TLE4: variants seen among roughly 807,000 people sequenced by gnomAD.
The protein encoded by TLE4 is TLE family member 4, transcriptional corepressor.
A neutral mutation model predicts 92.8 loss-of-function variants in TLE4; 8 were observed. The observed-to-expected ratio is 0.09, with a 90% CI of 0.05 to 0.16. The LOEUF (loss-of-function observed/expected upper bound fraction) is 0.16, where lower values mean the gene tolerates loss of function less well. TLE4 is among the 10% of genes least tolerant of loss of function. The probability of loss-of-function intolerance (pLI) is 1.00; values close to 1 mark genes in which losing one functional copy is unlikely to be tolerated. For missense variants in TLE4, 675 were observed against 997.6 expected, an observed-to-expected ratio of 0.68 and a Z score of 4.36; for synonymous variants, 371 against 374.1, an observed-to-expected ratio of 0.99 and a Z score of 0.10.
intron 4 of TLE4, among the ~76,000 whole-genome samples, chr9:79,580,975 A>ATT (rs1216441992): frequency 1.1e-4 from 16 of 152,116 alleles, no homozygotes; most frequent in African/African-American, 3.9e-4. Flanking sequence ...TTATAAGACT[A>ATT]TGTGTGTGGG....
At chr9:79,674,750 A>T (rs2062983644) in intron 8 of TLE4, among the ~76,000 whole-genome samples, 1 of 152,088 alleles carries the variant, frequency 6.6e-6, no homozygotes, top group African/African-American at 2.4e-5. Context: ...GCGGTTCAAG[A>T]CCATTTCACT....
At chr9:79,687,369 G>T (rs1385404935) in intron 8 of TLE4, among the ~76,000 whole-genome samples, 1 of 152,086 alleles carries the variant, frequency 6.6e-6, no homozygotes, top group Non-Finnish European at 1.5e-5. Flanking sequence ...TGGCCCCATG[G>T]GTGCCAGATT....
chr9:79,707,108 T>C (rs752569227), intron 11 of TLE4: 1 of 1,612,114 alleles, frequency 6.2e-7, no homozygotes, highest in Non-Finnish European at 8.5e-7. Flanking sequence ...TTTATGATTC[T>C]TTTTGCAAGG....
intron 8 of TLE4, among the ~76,000 whole-genome samples, chr9:79,685,258 T>C (rs967394879): frequency 6.6e-6 from 1 of 152,188 alleles, no homozygotes; most frequent in African/African-American, 2.4e-5. Context: ...ATTTGTATAC[T>C]GCAATAGTTT....
intron 4 of TLE4, among the ~76,000 whole-genome samples, chr9:79,609,364 G>A (rs2047843475): frequency 6.6e-6 from 1 of 152,008 alleles, no homozygotes; most frequent in South Asian, 2.1e-4. Context: ...ATTTTTCTGA[G>A]ATATTTTATC....
intron 8 of TLE4, among the ~76,000 whole-genome samples, chr9:79,672,437 C>G (rs972283460): frequency 7.9e-5 from 12 of 152,094 alleles, no homozygotes; most frequent in South Asian, 2.1e-4. Flanking sequence ...TAGGAGATGT[C>G]TTTCAAGTGA....
intron 4 of TLE4, among the ~76,000 whole-genome samples, chr9:79,606,548 C>G (rs1033885107): frequency 4.6e-5 from 7 of 151,776 alleles, no homozygotes; most frequent in Non-Finnish European, 1.5e-5. Flanking sequence ...CCCAACAGGC[C>G]CTGATGTGTA....
intron 8 of TLE4, among the ~76,000 whole-genome samples, chr9:79,664,374 T>A (rs1222628911): frequency 6.6e-6 from 1 of 152,220 alleles, no homozygotes; most frequent in African/African-American, 2.4e-5. Context: ...CACTTGTGTT[T>A]GTACCACAGT....
At chr9:79,656,883 CT>C (rs1281867283) in intron 8 of TLE4, among the ~76,000 whole-genome samples, 1 of 151,900 alleles carries the variant, frequency 6.6e-6, no homozygotes, top group Non-Finnish European at 1.5e-5. Flanking sequence ...CATGTTGGGC[CT>C]TTTTTTTCCT....
Position 79,602,955 on chromosome 9 carries a change from C to G in TLE4, c.253-9701C>G, listed in dbSNP as rs558321083. 1.3e-4 allele frequency among the ~76,000 whole-genome samples: 20 copies of G among 152,182 alleles called. No individual in the cohort carries two copies. The East Asian group carries it at 3.9e-3, about 29-fold the overall frequency. On this transcript the variant is annotated intron_variant, in intron 4 of 19. Coordinates refer to ENST00000376552, the MANE Select transcript of TLE4 (RefSeq NM_007005.6). ...AATAAGAATTTGGAAGAAGTTGATT[C>G]CAACCCTCATGGATGCCTTTGGAGG...
intron 8 of TLE4, among the ~76,000 whole-genome samples, chr9:79,688,804 C>T (rs1309551945): frequency 6.6e-6 from 1 of 152,000 alleles, no homozygotes; most frequent in Admixed American, 6.5e-5. Flanking sequence ...GTCAAAAATT[C>T]TGTTTTCTTC....
chr9:79,636,584 G>A (rs1362742836), intron 6 of TLE4, among the ~76,000 whole-genome samples: 1 of 152,112 alleles, frequency 6.6e-6, no homozygotes, highest in Non-Finnish European at 1.5e-5. Context: ...TCCTAGAGTG[G>A]TCTTCCTTAT....
chr9:79,669,165 G>T (rs951546930), intron 8 of TLE4, among the ~76,000 whole-genome samples: 9 of 152,046 alleles, frequency 5.9e-5, no homozygotes, highest in African/African-American at 1.9e-4. Context: ...CTTGAGTATT[G>T]ACTCAGAAGC....
chr9:79,644,110 G>A (rs559341973), intron 6 of TLE4, among the ~76,000 whole-genome samples: 110 of 152,248 alleles, frequency 7.2e-4, no homozygotes, highest in African/African-American at 2.3e-3. Flanking sequence ...GAGGGATCTC[G>A]TGGGAGGTAA....
rs1251068705 is a variant in TLE4 at position 79,602,917 on chromosome 9, A to G, written c.253-9739A>G. On this transcript the variant is annotated intron_variant, in intron 4 of 19. Coordinates refer to ENST00000376552, the MANE Select transcript of TLE4 (RefSeq NM_007005.6). ...ATTTGTGGTTCATGGGAGGAGGTCA[A>G]AATACCAACATTAATAAGAATTTGG... 3.3e-5 allele frequency among the ~76,000 whole-genome samples: 5 copies of G among 152,250 alleles called. No individual in the cohort carries two copies. In the East Asian group the frequency reaches 9.7e-4, roughly 29 times the overall value.
At chr9:79,663,879 A>AGTGT (rs1315637788) in intron 8 of TLE4, among the ~76,000 whole-genome samples, 1 of 152,206 alleles carries the variant, frequency 6.6e-6, no homozygotes, top group African/African-American at 2.4e-5. Flanking sequence ...ACACAAAACA[A>AGTGT]GGCTTCAGAA....
intron 14 of TLE4, 62 bp from the exon 15 acceptor site, chr9:79,718,660 T>C: frequency 1.3e-6 from 2 of 1,543,310 alleles, no homozygotes; most frequent in Non-Finnish European, 1.8e-6. Flanking sequence ...CTCATTACAC[T>C]GAACAGTTAA....
intron 5 of TLE4, among the ~76,000 whole-genome samples, chr9:79,616,259 T>C (rs1399540954): frequency 6.6e-6 from 1 of 152,202 alleles, no homozygotes; most frequent in Non-Finnish European, 1.5e-5. Flanking sequence ...TTACTCTAAC[T>C]GGGCTAAGCT....
At position 79,725,266 on chromosome 9, in the gene TLE4, AGTTTAATCCCCT is replaced by A; in HGVS notation, c.*123_*134del. 3.1e-6 allele frequency: 2 copies of A among 646,554 alleles called. No individual in the cohort carries two copies. The highest frequency in any genetic ancestry group is 3.8e-5 in the South Asian group (2 of 52,484). The allele number at this position is 646,554 out of a possible 1,614,324, so 40.1% of individuals were successfully genotyped here. A position where few individuals can be genotyped will look rare whatever the true frequency, so the allele number is the denominator to read the frequency against. On this transcript the variant is annotated 3_prime_UTR_variant, in exon 20 of 20. Coordinates refer to ENST00000376552, the MANE Select transcript of TLE4 (RefSeq NM_007005.6). ...TTTCAGATACTCATTGCAGTTGTGGAGTTTAATCCCCTTTCTTAACCTCACTTCCCACTTGCT... is the reference window on the plus strand; with the variant it reads ...TTTCAGATACTCATTGCAGTTGTGGATTCTTAACCTCACTTCCCACTTGCT...
Sources: gnomAD v4.1 joint callset for allele counts (sites outside exome capture counted in the v4.1 genomes callset) on GRCh38, gnomAD v4.1.1 for gene constraint, MANE v1.5 for transcripts, NCBI Gene and HGNC (gene_info 2026-07-23, HGNC 2026-07-21) for gene names.